The following LINGO2 variants were observed in gnomAD, a reference collection of about 807,000 sequenced individuals.
The protein encoded by LINGO2 is leucine rich repeat and Ig domain containing 2.
LINGO2 carries 14 observed loss-of-function variants against 30.6 expected under a neutral mutation model. The observed-to-expected ratio is 0.46, with a 90% CI of 0.30 to 0.72. LINGO2 has a LOEUF of 0.72. Among genes scored for constraint, LINGO2 ranks in the 30% least tolerant of loss-of-function variants. The pLI, the probability that LINGO2 is intolerant of heterozygous loss-of-function variation, is 0.07. For synonymous variants in LINGO2, 317 were observed against 288.5 expected, an observed-to-expected ratio of 1.10 and a Z score of -1.00; for missense variants, 729 against 751.7, an observed-to-expected ratio of 0.97 and a Z score of 0.35.
rs76661508 is a variant in LINGO2, at chr9:28,334,006, C to T, written c.-245-38640G>A. On this transcript the variant is annotated intron_variant, in intron 3 of 5. Transcript: ENST00000379992. The stretch of plus-strand genomic sequence containing the variant: ...GCAAAATTATCAAGAATTTATCTAA[C>T]GCTGATTTATATTTCAGATTTGAAA... Among the ~76,000 whole-genome samples the T allele has an allele frequency of 6.0e-3, 912 of 152,206 alleles. 11 individuals carry two copies. Among genetic ancestry groups the T allele is most frequent in the African/African-American group, 0.021 (861 of 41,528 alleles).
At chr9:28,646,332 T>G (rs1827836308) in intron 1 of LINGO2, among the ~76,000 whole-genome samples, 1 of 152,102 alleles carries the variant, frequency 6.6e-6, no homozygotes, top group Non-Finnish European at 1.5e-5. Flanking sequence ...GCTAACATGC[T>G]GGGATAGTCA....
the LINGO2 span, among the ~76,000 whole-genome samples, chr9:28,885,745 G>T: frequency 6.6e-6 from 1 of 152,066 alleles, no homozygotes; most frequent in African/African-American, 2.4e-5. Context: ...CTGAGGGGTA[G>T]AACAGCTATC....
chr9:28,292,072 A>G (rs1823750476), intron 4 of LINGO2, among the ~76,000 whole-genome samples: 1 of 152,234 alleles, frequency 6.6e-6, no homozygotes, highest in Admixed American at 6.5e-5. Context: ...TAGTAAAAGT[A>G]TCCTGAGTTA....
rs559278178 is a variant in LINGO2, at chr9:28,322,977, T to C, written c.-245-27611A>G. 2.6e-5 allele frequency among the ~76,000 whole-genome samples: 4 copies of C among 152,250 alleles called. No homozygotes were observed. In the East Asian group the frequency reaches 7.8e-4, roughly 30 times the overall value. On this transcript the variant is annotated intron_variant, in intron 3 of 5. Coordinates refer to ENST00000379992, the Ensembl canonical transcript of LINGO2. ...TGACCTCCTTGAAATCTCAACATAC[T>C]CATTGATTGCAGGTATGGCAGGAAA...
chr9:29,145,348 A>C, the LINGO2 span, among the ~76,000 whole-genome samples: 3 of 152,166 alleles, frequency 2.0e-5, no homozygotes, highest in East Asian at 5.8e-4. Flanking sequence ...TTGAACAAGA[A>C]ATATATTGAA....
At chr9:28,233,032 A>ATT (rs1821416582) in intron 4 of LINGO2, among the ~76,000 whole-genome samples, 1 of 63,584 alleles carries the variant, frequency 1.6e-5, no homozygotes, top group African/African-American at 6.7e-5. Flanking sequence ...AGTAAACATT[A>ATT]TATATATATA....
At chr9:28,986,534 C>A in the LINGO2 span, among the ~76,000 whole-genome samples, 828 of 152,052 alleles carry the variant, frequency 5.4e-3, 12 homozygotes, top group African/African-American at 0.019. Flanking sequence ...TTATTTGTGT[C>A]TTCTTCAGTT....
the LINGO2 span, among the ~76,000 whole-genome samples, chr9:28,943,753 C>G: frequency 1.3e-5 from 2 of 152,088 alleles, no homozygotes; most frequent in African/African-American, 2.4e-5. Context: ...GGTGATGGAT[C>G]AGTGGAGAAG....
chr9:28,168,380 C>T (rs1440546349), intron 4 of LINGO2, among the ~76,000 whole-genome samples: 1 of 152,152 alleles, frequency 6.6e-6, no homozygotes, highest in African/African-American at 2.4e-5. Flanking sequence ...AAAATAGCAA[C>T]AGGAAGGCTT....
chr9:28,199,610 T>C (rs1046197260), intron 4 of LINGO2, among the ~76,000 whole-genome samples: 1 of 152,146 alleles, frequency 6.6e-6, no homozygotes, highest in African/African-American at 2.4e-5. Flanking sequence ...AGTGTTGGGA[T>C]TACAGGCGTG....
intron 4 of LINGO2, among the ~76,000 whole-genome samples, chr9:28,071,907 T>C (rs1319002478): frequency 6.6e-6 from 1 of 152,186 alleles, no homozygotes; most frequent in East Asian, 1.9e-4. Context: ...GAAATGACTA[T>C]AACAGTTGGA....
At chr9:28,601,039 CT>C (rs1198115391) in intron 1 of LINGO2, among the ~76,000 whole-genome samples, 6 of 152,146 alleles carry the variant, frequency 3.9e-5, no homozygotes, top group African/African-American at 1.2e-4. Flanking sequence ...CCCTTGGAGC[CT>C]GTTGAGTTTT....
chr9:28,372,216 G>A (rs1422049819), intron 3 of LINGO2, among the ~76,000 whole-genome samples: 1 of 152,150 alleles, frequency 6.6e-6, no homozygotes, highest in Non-Finnish European at 1.5e-5. Context: ...ATTCACTTAA[G>A]TCTATGTTGT....
chr9:28,991,085 C>G, the LINGO2 span, among the ~76,000 whole-genome samples: 3 of 152,092 alleles, frequency 2.0e-5, no homozygotes, highest in Non-Finnish European at 4.4e-5. Context: ...GGAGGAAATT[C>G]AAACCAAAGG....
intron 4 of LINGO2, among the ~76,000 whole-genome samples, chr9:28,019,581 A>G (rs1270732025): frequency 2.0e-5 from 3 of 152,140 alleles, no homozygotes; most frequent in Admixed American, 6.6e-5. Flanking sequence ...AAAATAGCAA[A>G]TAAAGTGGTC....
the LINGO2 span, among the ~76,000 whole-genome samples, chr9:28,711,553 T>C: frequency 2.0e-5 from 3 of 152,196 alleles, no homozygotes; most frequent in South Asian, 4.2e-4. Flanking sequence ...AGAACTGATA[T>C]GTATTTAACT....
intron 1 of LINGO2, among the ~76,000 whole-genome samples, chr9:28,479,515 A>C (rs1825855534): frequency 6.6e-6 from 1 of 151,924 alleles, no homozygotes; most frequent in African/African-American, 2.4e-5. Context: ...TTTTGTTGCT[A>C]AATATTACTG....
the LINGO2 span, among the ~76,000 whole-genome samples, chr9:29,150,952 C>T: frequency 6.6e-6 from 1 of 151,888 alleles, no homozygotes; most frequent in Non-Finnish European, 1.5e-5. Context: ...CACAGAGTCA[C>T]CAGAGTCATC....
intron 2 of LINGO2, among the ~76,000 whole-genome samples, chr9:28,473,898 GA>G (rs202071273): frequency 7.6e-4 from 114 of 150,766 alleles, no homozygotes; most frequent in Middle Eastern, 3.4e-3. Context: ...GCACTGCTAA[GA>G]AAAAAAAACT....
Sources: allele counts gnomAD v4.1 joint callset (sites outside exome capture counted in the v4.1 genomes callset), GRCh38; gene constraint gnomAD v4.1.1; transcripts MANE v1.5; gene names NCBI Gene and HGNC (gene_info 2026-07-23, HGNC 2026-07-21).